Variants in PCYOX1 observed in about 807,000 individuals in gnomAD.
The protein encoded by PCYOX1 is prenylcysteine oxidase 1.
A neutral mutation model predicts 46.4 loss-of-function variants in PCYOX1; 46 were observed. The observed-to-expected ratio is 0.99, with a 90% CI of 0.78 to 1.27. The LOEUF is 1.27. Among genes scored for constraint, PCYOX1 ranks in the 50% most tolerant of loss-of-function variants. The pLI is 0.00. For synonymous variants in PCYOX1, 220 were observed against 231.8 expected, an observed-to-expected ratio of 0.95 and a Z score of 0.46; for missense variants, 658 against 628.3, an observed-to-expected ratio of 1.05 and a Z score of -0.51.
rs1272428203 is a variant in PCYOX1, at chr2:70,277,346, T to C, written c.1472T>C (p.Met491Thr). The part of the protein sequence containing the change: ...AYHRWNGHTD[M>T]IDQDGLYEKL... ...CACCGCTGGAACGGGCACACAGACA[T>C]GATTGATCAGGATGGCTTATATGAG... Residue 491 changes from methionine (M) to threonine (T), a missense_variant, in exon 6 of 6, where the codon ATG (methionine) becomes ACG (threonine). Physicochemically the swap from Met to Thr is moderately conservative, Grantham distance 81. Transcript: ENST00000433351. 4.3e-6 allele frequency: 7 copies of C among 1,612,870 alleles called. No homozygotes were observed. Among genetic ancestry groups the C allele is most frequent in the South Asian group, 3.3e-5 (3 of 91,042 alleles).
chr2:70,272,298 T>C (rs1696613111), intron 3 of PCYOX1, among the ~76,000 whole-genome samples: 1 of 152,122 alleles, frequency 6.6e-6, no homozygotes, highest in Admixed American at 6.6e-5. Context: ...AGTTAATTTT[T>C]GTATTTTTAG....
At chr2:70,271,000 T>C (rs1696593525) in intron 3 of PCYOX1, among the ~76,000 whole-genome samples, 1 of 152,246 alleles carries the variant, frequency 6.6e-6, no homozygotes, top group African/African-American at 2.4e-5. Context: ...GTGCTGGGAT[T>C]ACAGGCGTGA....
At position 70,258,219 on chromosome 2, in the gene PCYOX1, C is replaced by T; in HGVS notation, c.55C>T (p.Leu19=). The change falls in exon 1 of 6, where the codon CTG becomes TTG. Residue 19 remains leucine, a synonymous_variant. Transcript: ENST00000433351. ...VSSLLGLWLL[L]CSCGCPEGAE... is the part of the protein sequence containing the mutation. Reference sequence around the variant, plus strand: ...CTCGCTGCTGGGGTTGTGGCTGTTGCTGTGCAGCTGCGGATGCCCCGAGGG... The same window carrying T: ...CTCGCTGCTGGGGTTGTGGCTGTTGTTGTGCAGCTGCGGATGCCCCGAGGG... 1 of 1,598,198 alleles carries T rather than the reference C, an allele frequency of 6.3e-7. No homozygotes were observed. Among genetic ancestry groups the T allele is most frequent in the Non-Finnish European group, 8.5e-7 (1 of 1,176,392 alleles).
chr2:70,259,070 G>T (rs79737696), intron 1 of PCYOX1, among the ~76,000 whole-genome samples: 1,993 of 152,316 alleles, frequency 0.013, 47 homozygotes, highest in African/African-American at 0.046. Context: ...ATCTGGAAGG[G>T]TGTGCAGGCC....
chr2:70,259,527 C>G lies in PCYOX1; in HGVS notation c.280C>G (p.Pro94Ala). The change falls in exon 2 of 6, where the codon CCT becomes GCT. Residue 94 changes from proline (P) to alanine (A), a missense_variant. Physicochemically the swap from Pro to Ala is conservative, Grantham distance 27 (BLOSUM62 -1). Coordinates refer to ENST00000433351, the MANE Select transcript of PCYOX1 (RefSeq NM_016297.4). ...CGAGGCAGGAGGTTCTGTCATCCATCCTTTAAATCTGCACATGAAACGTTT... is the reference window on the plus strand; with the variant it reads ...CGAGGCAGGAGGTTCTGTCATCCATGCTTTAAATCTGCACATGAAACGTTT... ...EYEAGGSVIH[P>A]LNLHMKRFVK... The G allele has an allele frequency of 6.2e-7, 1 of 1,614,032 alleles. No homozygotes were observed. Among genetic ancestry groups the G allele is most frequent in the Non-Finnish European group, 8.5e-7 (1 of 1,179,996 alleles).
At chr2:70,266,505 C>G (rs1034166267) in intron 3 of PCYOX1, among the ~76,000 whole-genome samples, 2 of 149,704 alleles carry the variant, frequency 1.3e-5, no homozygotes, top group Non-Finnish European at 1.5e-5. Context: ...CTTGGGTGTT[C>G]TTCGGAGAGG....
intron 3 of PCYOX1, among the ~76,000 whole-genome samples, chr2:70,268,779 A>C (rs1452649540): frequency 6.6e-6 from 1 of 151,594 alleles, no homozygotes; most frequent in Non-Finnish European, 1.5e-5. Context: ...ACAAGCGTGA[A>C]ACTCTGTCTC....
chr2:70,260,252 C>T (rs1318477532), intron 2 of PCYOX1, among the ~76,000 whole-genome samples: 2 of 152,214 alleles, frequency 1.3e-5, no homozygotes, highest in Admixed American at 6.5e-5. Flanking sequence ...AAGTCACTCA[C>T]ATATGGCCAT....
At position 70,277,441 on chromosome 2, in the gene PCYOX1, C is replaced by A; in HGVS notation, c.*49C>A. 3 of 1,375,514 alleles carry A rather than the reference C, an allele frequency of 2.2e-6. No homozygotes were observed. The highest frequency in any genetic ancestry group is 2.2e-5 in the Admixed American group (1 of 45,376). 85.2% of individuals were successfully genotyped at this position (1,375,514 alleles called of 1,614,324 possible). A position where few individuals can be genotyped will look rare whatever the true frequency, so the allele number is the denominator to read the frequency against. On this transcript the variant is annotated 3_prime_UTR_variant, in exon 6 of 6. Coordinates refer to ENST00000433351, the MANE Select transcript of PCYOX1 (RefSeq NM_016297.4). The stretch of plus-strand genomic sequence containing the variant: ...CCTAGTTCCAAATGACTATCAGTGG[C>A]AAAAAAGAACAAAATCTGAGCAGAG...
At chr2:70,258,562 G>A in intron 1 of PCYOX1, 2 of 342,180 alleles carry the variant, frequency 5.8e-6, no homozygotes, top group South Asian at 8.2e-5. Flanking sequence ...TGTAGCCCCT[G>A]TCTCTTAGGT....
At position 70,258,217 on chromosome 2, in the gene PCYOX1, T is replaced by G; in HGVS notation, c.53T>G (p.Leu18Trp). ...LVSSLLGLWL[L>W]LCSCGCPEGA... is the part of the protein sequence containing the mutation. Reference sequence around the variant, plus strand: ...TCCTCGCTGCTGGGGTTGTGGCTGTTGCTGTGCAGCTGCGGATGCCCCGAG... The same window carrying G: ...TCCTCGCTGCTGGGGTTGTGGCTGTGGCTGTGCAGCTGCGGATGCCCCGAG... Residue 18 changes from leucine (L) to tryptophan (W), a missense_variant, in exon 1 of 6, where the codon TTG becomes TGG. Leu to Trp is a moderately conservative substitution (Grantham distance 61). Coordinates refer to ENST00000433351, the MANE Select transcript of PCYOX1 (RefSeq NM_016297.4). The G allele has an allele frequency of 6.3e-7, 1 of 1,598,764 alleles. No homozygotes were observed. Among genetic ancestry groups the G allele is most frequent in the Non-Finnish European group, 8.5e-7 (1 of 1,176,530 alleles).
upstream of PCYOX1, chr2:70,258,106 CGCGCAGCG>C: frequency 7.2e-7 from 1 of 1,381,484 alleles, no homozygotes; most frequent in Non-Finnish European, 9.8e-7. Context: ...AGCGCGCAGC[CGCGCAGCG>C]GTGGGAGGAC....
intron 3 of PCYOX1, among the ~76,000 whole-genome samples, chr2:70,265,639 A>G (rs905517786): frequency 6.6e-6 from 1 of 152,220 alleles, no homozygotes; most frequent in Non-Finnish European, 1.5e-5. Flanking sequence ...TGCTACGCAC[A>G]GTAACTAGAA....
chr2:70,264,109 G>A (rs910131355), intron 3 of PCYOX1, among the ~76,000 whole-genome samples: 2 of 151,332 alleles, frequency 1.3e-5, no homozygotes, highest in East Asian at 2.0e-4. Flanking sequence ...CTACAGGCAC[G>A]TGCCATCAGA....
At chr2:70,272,327 A>G (rs763859486) in intron 3 of PCYOX1, among the ~76,000 whole-genome samples, 35 of 152,026 alleles carry the variant, frequency 2.3e-4, no homozygotes, top group Admixed American at 1.2e-3. Context: ...GGGTTTCGCT[A>G]TGTTGGCCAG....
chr2:70,269,334 A>AT (rs745493965), intron 3 of PCYOX1, among the ~76,000 whole-genome samples: 3,123 of 131,702 alleles, frequency 0.024, 61 homozygotes, highest in African/African-American at 0.043. Flanking sequence ...TGCCCAGCTA[A>AT]TTTTTTTTTT....
At position 70,259,609 on chromosome 2, in the gene PCYOX1, C is replaced by G. The variant is rs746807137; in HGVS notation, c.319+43C>G. ...TGGAGCTCACCAGATTACTGTGTGACATCCCCGGATATTTTTATCAGATGG... is the reference window on the plus strand; with the variant it reads ...TGGAGCTCACCAGATTACTGTGTGAGATCCCCGGATATTTTTATCAGATGG... On this transcript the variant is annotated intron_variant, in intron 2 of 5. Transcript: ENST00000433351. 9.5e-6 allele frequency: 13 copies of G among 1,365,296 alleles called. No homozygotes were observed. In the Admixed American group the frequency reaches 2.2e-4, roughly 24 times the overall value. 84.6% of individuals were successfully genotyped at this position (1,365,296 alleles called of 1,614,324 possible).
intron 3 of PCYOX1, among the ~76,000 whole-genome samples, chr2:70,269,691 C>G (rs1012156615): frequency 3.3e-5 from 5 of 152,076 alleles, no homozygotes; most frequent in African/African-American, 9.7e-5. Flanking sequence ...ATGTCATAGC[C>G]TCCGGCATCT....
intron 1 of PCYOX1, 153 bp downstream of exon 1, chr2:70,258,429 C>A (rs1248876980): frequency 1.9e-6 from 1 of 531,290 alleles, no homozygotes; most frequent in South Asian, 2.3e-5. Context: ...ATTCACACTT[C>A]AGGGCGGCTT....
Sources: gnomAD v4.1 joint callset for allele counts (sites outside exome capture counted in the v4.1 genomes callset) on GRCh38, gnomAD v4.1.1 for gene constraint, MANE v1.5 for transcripts, NCBI Gene and HGNC (gene_info 2026-07-23, HGNC 2026-07-21) for gene names.